Variants in RPL26L1 observed in about 807,000 individuals in gnomAD.
The protein encoded by RPL26L1 is ribosomal protein L26 like 1, also known as ribosomal protein uL24-like.
Under a neutral mutation model 15.2 loss-of-function variants are expected in RPL26L1, and 8 were observed. The observed-to-expected ratio is 0.53, with a 90% confidence interval of 0.31 to 0.95. The LOEUF (loss-of-function observed/expected upper bound fraction) is 0.95, where lower values mean the gene tolerates loss of function less well. RPL26L1 is among the 40% of genes least tolerant of loss of function. The pLI, the probability that RPL26L1 is intolerant of heterozygous loss-of-function variation, is 0.05. For missense variants in RPL26L1, 146 were observed against 190.9 expected, an observed-to-expected ratio of 0.76 and a Z score of 1.39; for synonymous variants, 51 against 65.9, an observed-to-expected ratio of 0.77 and a Z score of 1.09.
chr5:172,967,828 T>C (rs547470610), intron 2 of RPL26L1, among the ~76,000 whole-genome samples: 64 of 150,190 alleles, frequency 4.3e-4, no homozygotes, highest in African/African-American at 1.5e-3. Flanking sequence ...CATATATGTA[T>C]GTATGACATA....
chr5:172,958,363 G>C (rs550923446), upstream of RPL26L1: 31 of 456,110 alleles, frequency 6.8e-5, no homozygotes, highest in African/African-American at 5.8e-4. Flanking sequence ...GAGAGAGCAC[G>C]GGACCTGCCT....
At chr5:172,962,366 G>A (rs543578809) in intron 2 of RPL26L1, among the ~76,000 whole-genome samples, 38 of 152,228 alleles carry the variant, frequency 2.5e-4, no homozygotes, top group African/African-American at 7.7e-4. Context: ...AAATTAGCCA[G>A]GCGTGGTGGT....
chr5:172,957,609 CAGTGAGTG>C (rs749787609), upstream of RPL26L1: 1 of 260,724 alleles, frequency 3.8e-6, no homozygotes, highest in African/African-American at 2.3e-5. Context: ...TAAACAGAAC[CAGTGAGTG>C]AGTGAGTGAA....
rs1402885653 is a variant in RPL26L1 at position 172,964,281 on chromosome 5, C to CCTTTTTTTTTTTT, written c.169-4178_169-4177insCTTTTTTTTTTTT. On this transcript the variant is annotated intron_variant, in intron 2 of 3. Coordinates refer to ENST00000265100, the MANE Select transcript of RPL26L1 (RefSeq NM_016093.4). ...TGAGCCACAGTGTCTGGCCTGTTGC[C>CCTTTTTTTTTTTT]TTTTTTTTTTTTTTTTTTTTTGAGA... Among the ~76,000 whole-genome samples the CCTTTTTTTTTTTT allele has an allele frequency of 7.4e-4, 73 of 99,238 alleles. 14 individuals are homozygous for CCTTTTTTTTTTTT. Among genetic ancestry groups the CCTTTTTTTTTTTT allele is most frequent in the African/African-American group, 1.4e-3 (40 of 27,690 alleles). 65.1% of individuals were successfully genotyped at this position (99,238 alleles called of 152,430 possible).
rs1402885653 is a variant in RPL26L1 at position 172,964,281 on chromosome 5, C to CCTTTTTTTTT, written c.169-4178_169-4177insCTTTTTTTTT. Among the ~76,000 whole-genome samples the CCTTTTTTTTT allele has an allele frequency of 1.2e-3, 121 of 99,224 alleles. 35 individuals carry two copies. The highest frequency in any genetic ancestry group is 1.9e-3 in the South Asian group (6 of 3,156). 65.1% of individuals were successfully genotyped at this position (99,224 alleles called of 152,430 possible). A position where few individuals can be genotyped will look rare whatever the true frequency, so the allele number is the denominator to read the frequency against. ...TGAGCCACAGTGTCTGGCCTGTTGC[C>CCTTTTTTTTT]TTTTTTTTTTTTTTTTTTTTTGAGA... is the stretch of plus-strand genomic sequence containing the variant. On this transcript the variant is annotated intron_variant, in intron 2 of 3. Coordinates refer to ENST00000265100, the MANE Select transcript of RPL26L1 (RefSeq NM_016093.4).
At chr5:172,959,050 G>A (rs113356182), upstream of RPL26L1, 9,297 of 152,432 alleles carry the variant, frequency 0.061, 645 homozygotes, top group African/African-American at 0.17. Flanking sequence ...GTGAAACCCC[G>A]TCTCTACTAA....
intron 2 of RPL26L1, among the ~76,000 whole-genome samples, chr5:172,966,673 A>C (rs925757690): frequency 1.3e-5 from 2 of 152,084 alleles, no homozygotes; most frequent in African/African-American, 4.8e-5. Context: ...GTGTCCTGAG[A>C]GTCTCTGGTC....
At chr5:172,957,037 A>C (rs1008458707), upstream of RPL26L1, 16 of 370,178 alleles carry the variant, frequency 4.3e-5, no homozygotes, top group African/African-American at 2.8e-4. Context: ...GAGGCTGAAT[A>C]TCTTCTCCAA....
At position 172,967,099 on chromosome 5, in the gene RPL26L1, C is replaced by T. The variant is rs191778309; in HGVS notation, c.169-1360C>T. On this transcript the variant is annotated intron_variant, in intron 2 of 3. Coordinates refer to ENST00000265100, the MANE Select transcript of RPL26L1 (RefSeq NM_016093.4). Reference sequence around the variant, plus strand: ...TCGATCTCTTGACCTCATGATCCACCGGCTTTGGCCTCCCAAAGTGCTGGG... The same window carrying T: ...TCGATCTCTTGACCTCATGATCCACTGGCTTTGGCCTCCCAAAGTGCTGGG... 1.1e-3 allele frequency among the ~76,000 whole-genome samples: 167 copies of T among 151,826 alleles called. 2 individuals are homozygous for T. In the East Asian group the frequency reaches 0.025, roughly 23 times the overall value.
chr5:172,954,406 G>GA (rs1476283314), upstream of RPL26L1, among the ~76,000 whole-genome samples: 18 of 122,590 alleles, frequency 1.5e-4, no homozygotes, highest in Admixed American at 1.9e-3. Context: ...CGTCTCTATA[G>GA]AAAAAATACA....
At chr5:172,967,861 A>G (rs896918786) in intron 2 of RPL26L1, among the ~76,000 whole-genome samples, 28 of 151,740 alleles carry the variant, frequency 1.8e-4, no homozygotes, top group African/African-American at 6.0e-4. Flanking sequence ...ATATAAGTAC[A>G]TATGTGTATG....
chr5:172,967,753 TATATATACATATATACAC>T (rs141631372), intron 2 of RPL26L1, among the ~76,000 whole-genome samples: 18,038 of 151,442 alleles, frequency 0.12, 1,273 homozygotes, highest in African/African-American at 0.19. Flanking sequence ...AATGTGTGTG[TATATATACATATATACAC>T]ATATATACGT....
At chr5:172,968,892 C>T (rs1755578919) in intron 3 of RPL26L1, among the ~76,000 whole-genome samples, 1 of 145,182 alleles carries the variant, frequency 6.9e-6, no homozygotes, top group South Asian at 2.3e-4. Flanking sequence ...ACTGCAACCT[C>T]CACCTCCTGG....
rs371392212 is a variant in RPL26L1 at position 172,969,150 on chromosome 5, C to A, written c.310-263C>A. Among the ~76,000 whole-genome samples the A allele has an allele frequency of 6.6e-5, 10 of 152,124 alleles. No homozygotes were observed. In the East Asian group the frequency reaches 1.9e-3, roughly 29 times the overall value. On this transcript the variant is annotated intron_variant, in intron 3 of 3. Transcript: ENST00000265100. Reference sequence around the variant, plus strand: ...TGGTTGCAAGAGGCTTCCAAGTGTTCTAGGCATCACTTCCCCTACCACATA... The same window carrying A: ...TGGTTGCAAGAGGCTTCCAAGTGTTATAGGCATCACTTCCCCTACCACATA...
chr5:172,966,457 C>T (rs1199236983), intron 2 of RPL26L1, among the ~76,000 whole-genome samples: 1 of 151,676 alleles, frequency 6.6e-6, no homozygotes. Context: ...CCACCATGCC[C>T]GGCCTAAGAT....
intron 3 of RPL26L1, 21 bp from the exon 4 acceptor site, chr5:172,969,392 C>T (rs915749015): frequency 2.5e-6 from 4 of 1,610,622 alleles, no homozygotes; most frequent in Non-Finnish European, 2.5e-6. Flanking sequence ...AAATAAAGAC[C>T]TGTTTTCTCA....
intron 2 of RPL26L1, among the ~76,000 whole-genome samples, chr5:172,965,913 A>C (rs771727123): frequency 6.6e-6 from 1 of 152,076 alleles, no homozygotes; most frequent in Non-Finnish European, 1.5e-5. Context: ...TTCCAAACTA[A>C]ACTATTTCCT....
chr5:172,963,432 G>C (rs1346918553), intron 2 of RPL26L1, among the ~76,000 whole-genome samples: 1 of 151,440 alleles, frequency 6.6e-6, no homozygotes, highest in African/African-American at 2.4e-5. Flanking sequence ...GGCCAATCCT[G>C]GTCTACTTCT....
intron 2 of RPL26L1, among the ~76,000 whole-genome samples, chr5:172,961,379 CATATAAG>C (rs1405834631): frequency 5.3e-5 from 8 of 152,200 alleles, no homozygotes; most frequent in Admixed American, 2.0e-4. Flanking sequence ...TCAAGCCTCA[CATATAAG>C]ATATAATCAT....
Sources: gnomAD v4.1 joint callset for allele counts (sites outside exome capture counted in the v4.1 genomes callset) on GRCh38, gnomAD v4.1.1 for gene constraint, MANE v1.5 for transcripts, NCBI Gene and HGNC (gene_info 2026-07-23, HGNC 2026-07-21) for gene names.